The following BRAF variants were observed in gnomAD, a reference collection of about 807,000 sequenced individuals.
BRAF encodes the protein B-Raf proto-oncogene, serine/threonine kinase, also known as serine/threonine-protein kinase B-raf.
A neutral mutation model predicts 104.6 loss-of-function variants in BRAF; 16 were observed. The ratio of observed to expected loss-of-function variants is 0.15; its 90% CI spans 0.10 to 0.23. The LOEUF is 0.23. BRAF is among the 10% of genes least tolerant of loss of function. BRAF has a pLI of 1.00. For synonymous variants in BRAF, 310 were observed against 341.6 expected (o/e 0.91, Z 1.02); for missense variants, 541 against 937.3 (o/e 0.58, Z 5.52).
chr7:140,803,137 T>C (rs956601475), intron 5 of BRAF, among the ~76,000 whole-genome samples: 1 of 152,252 alleles, frequency 6.6e-6, no homozygotes, highest in South Asian at 2.1e-4. Context: ...AGCCTAGTTG[T>C]ATAGTTAGGC....
Position 140,876,027 on chromosome 7 carries a change from T to C in BRAF, c.139-25815A>G, listed in dbSNP as rs148665391. ...TGAGGAGTAAGCAAAATGGTAAACA[T>C]GCAGACAAAAATACATTAACCCTCT... On this transcript the variant is annotated intron_variant, in intron 1 of 19. Coordinates refer to ENST00000644969, the MANE Select transcript of BRAF (RefSeq NM_001374258.1). Among the ~76,000 whole-genome samples the C allele has an allele frequency of 8.3e-4, 126 of 152,258 alleles. 1 individual carries two copies. Among genetic ancestry groups the C allele is most frequent in the African/African-American group, 2.5e-3 (105 of 41,556 alleles).
At chr7:140,842,815 T>A (rs952064136) in intron 2 of BRAF, among the ~76,000 whole-genome samples, 1 of 152,172 alleles carries the variant, frequency 6.6e-6, no homozygotes, top group African/African-American at 2.4e-5. Context: ...AGGGAATCAA[T>A]AGAATGTTAA....
chr7:140,872,654 A>T (rs1811745624), intron 1 of BRAF, among the ~76,000 whole-genome samples: 1 of 152,144 alleles, frequency 6.6e-6, no homozygotes, highest in African/African-American at 2.4e-5. Context: ...CAGGAGCTTG[A>T]GACCAACCTG....
intron 14 of BRAF, chr7:140,757,964 A>G (rs1798344809): frequency 6.6e-6 from 1 of 152,250 alleles, no homozygotes; most frequent in Non-Finnish European, 1.5e-5. Context: ...TATCATTAAA[A>G]TGCCTATTGA....
intron 1 of BRAF, among the ~76,000 whole-genome samples, chr7:140,871,891 G>T (rs990495344): frequency 2.6e-5 from 4 of 152,064 alleles, no homozygotes; most frequent in African/African-American, 9.7e-5. Flanking sequence ...TATTATGGAG[G>T]AGCTGCACTC....
intron 8 of BRAF, among the ~76,000 whole-genome samples, chr7:140,792,469 T>C (rs1301687012): frequency 6.6e-6 from 1 of 152,196 alleles, no homozygotes; most frequent in Non-Finnish European, 1.5e-5. Flanking sequence ...TAAACTTCAA[T>C]ATCAACTATT....
intron 14 of BRAF, among the ~76,000 whole-genome samples, chr7:140,763,976 C>T (rs1486914176): frequency 3.9e-5 from 6 of 152,180 alleles, no homozygotes; most frequent in Non-Finnish European, 7.3e-5. Flanking sequence ...ATACCAAAGC[C>T]AGGCAGAGAC....
At chr7:140,740,069 A>G (rs761066454) in intron 17 of BRAF, 123 bp from the exon 17 acceptor site, 102 of 1,091,582 alleles carry the variant, frequency 9.3e-5, no homozygotes, top group Non-Finnish European at 1.2e-4. Context: ...ATTACACCTC[A>G]ATAAAAAGTT....
chr7:140,734,431 A>C (rs2130866038), intron 19 of BRAF: 1 of 1,525,574 alleles, frequency 6.6e-7, no homozygotes, highest in Non-Finnish European at 8.7e-7. Context: ...GTTAAGTATA[A>C]ATTTTAGTTT....
chr7:140,781,383 G>T, intron 12 of BRAF, 193 bp downstream of exon 11: 1 of 609,106 alleles, frequency 1.6e-6, no homozygotes, highest in Non-Finnish European at 2.9e-6. Context: ...AATGGTAGGA[G>T]TCCCGACTGC....
chr7:140,819,935 T>G (rs2129053878), intron 3 of BRAF, among the ~76,000 whole-genome samples: 1 of 152,310 alleles, frequency 6.6e-6, no homozygotes, highest in African/African-American at 2.4e-5. Context: ...CAAAAATCAT[T>G]TTATACTTTA....
chr7:140,745,013 T>G (rs1009050307), intron 17 of BRAF, among the ~76,000 whole-genome samples: 2 of 152,076 alleles, frequency 1.3e-5, no homozygotes, highest in Admixed American at 1.3e-4. Flanking sequence ...TATGTTACAT[T>G]AGGATGAAGT....
intron 1 of BRAF, among the ~76,000 whole-genome samples, chr7:140,851,755 C>T (rs1014548609): frequency 6.6e-6 from 1 of 152,188 alleles, no homozygotes; most frequent in African/African-American, 2.4e-5. Context: ...AATCACACTT[C>T]TAAACTTTTG....
Position 140,724,827 on chromosome 7 carries a change from C to A in BRAF, c.*1667G>T. On this transcript the variant is annotated 3_prime_UTR_variant, in exon 20 of 20. Transcript: ENST00000644969. ...TGTTCCTAAATTCTGAGTCTAGATT[C>A]CTGATAAGGGAGGTTTTCCATTAAT... 9 of 1,037,968 alleles carry A rather than the reference C, an allele frequency of 8.7e-6. No homozygotes were observed. The highest frequency in any genetic ancestry group is 9.3e-6 in the Non-Finnish European group (8 of 862,028). 64.3% of individuals were successfully genotyped at this position (1,037,968 alleles called of 1,614,324 possible).
chr7:140,894,926 G>A (rs1021376376), intron 1 of BRAF, among the ~76,000 whole-genome samples: 4 of 152,088 alleles, frequency 2.6e-5, no homozygotes, highest in South Asian at 2.1e-4. Context: ...ACTTACTTTC[G>A]AGAAACATTT....
At chr7:140,796,868 CACACA>C (rs1471494074) in intron 7 of BRAF, among the ~76,000 whole-genome samples, 1 of 152,160 alleles carries the variant, frequency 6.6e-6, no homozygotes, top group Non-Finnish European at 1.5e-5. Context: ...AGTGGTGGCG[CACACA>C]ACACAAGAAG....
intron 3 of BRAF, chr7:140,834,177 C>T (rs941804960): frequency 8.8e-6 from 2 of 226,454 alleles, no homozygotes; most frequent in South Asian, 1.6e-4. Context: ...TACTAATATT[C>T]AACAACCAAA....
At chr7:140,848,794 C>A (rs1396387730) in intron 2 of BRAF, among the ~76,000 whole-genome samples, 1 of 152,168 alleles carries the variant, frequency 6.6e-6, no homozygotes, top group Non-Finnish European at 1.5e-5. Flanking sequence ...AATAAGAATT[C>A]TAGTCCTAGC....
At chr7:140,917,888 TG>T (rs1817789133) in intron 1 of BRAF, among the ~76,000 whole-genome samples, 1 of 152,210 alleles carries the variant, frequency 6.6e-6, no homozygotes, top group African/African-American at 2.4e-5. Context: ...AAATGACTAC[TG>T]GAACAGAGTC....
Sources: gnomAD v4.1 joint callset for allele counts (sites outside exome capture counted in the v4.1 genomes callset) on GRCh38, gnomAD v4.1.1 for gene constraint, MANE v1.5 for transcripts, NCBI Gene and HGNC (gene_info 2026-07-23, HGNC 2026-07-21) for gene names.